The following MAMLD1 variants were observed in gnomAD, a reference collection of about 807,000 sequenced individuals.
MAMLD1 encodes mastermind like domain containing 1.
MAMLD1 carries 14 observed loss-of-function variants against 45.0 expected under a neutral mutation model. The observed-to-expected ratio is 0.31, with a 90% CI of 0.21 to 0.49. MAMLD1 has a LOEUF of 0.49. Ranked by LOEUF, MAMLD1 falls within the 20% of genes least tolerant of loss-of-function variation. The probability of loss-of-function intolerance (pLI) is 0.99; values close to 1 mark genes in which losing one functional copy is unlikely to be tolerated. For synonymous variants in MAMLD1, 254 were observed against 247.8 expected (o/e 1.02, Z -0.24); for missense variants, 543 against 603.6 (o/e 0.90, Z 1.05).
intron 1 of MAMLD1, among the ~76,000 whole-genome samples, chrX:150,399,274 G>A (rs1258338088): frequency 9.0e-6 from 1 of 111,504 alleles, no homozygotes; most frequent in African/African-American, 3.3e-5. Flanking sequence ...TTAACAGATG[G>A]CTATTACTCC....
chrX:150,507,471 C>A (rs1227065696), intron 6 of MAMLD1, among the ~76,000 whole-genome samples: 2 of 111,941 alleles, frequency 1.8e-5, no homozygotes, highest in Non-Finnish European at 3.8e-5. Context: ...TGGCCAGGGA[C>A]AGCAGGACCA....
chrX:150,482,025 A>AAAG (rs2036828935), intron 5 of MAMLD1, among the ~76,000 whole-genome samples: 2 of 107,708 alleles, frequency 1.9e-5, no homozygotes, highest in African/African-American at 6.9e-5. Context: ...AGAAAGAAAG[A>AAAG]AAGAAAGAAT....
intron 1 of MAMLD1, among the ~76,000 whole-genome samples, chrX:150,439,763 C>T (rs782334069): frequency 3.6e-5 from 4 of 111,100 alleles, no homozygotes; most frequent in Admixed American, 9.5e-5. Flanking sequence ...GGCAAAACAC[C>T]GTCTCTACCA....
chrX:150,455,527 C>G (rs1214140903), intron 2 of MAMLD1, among the ~76,000 whole-genome samples: 1 of 111,446 alleles, frequency 9.0e-6, no homozygotes, highest in Non-Finnish European at 1.9e-5. Flanking sequence ...ATGCCACACA[C>G]TATGCTAATT....
rs142633979 is a variant in MAMLD1, at chrX:150,476,538, G to A, written c.2040+2736G>A. On this transcript the variant is annotated intron_variant, in intron 5 of 7. Coordinates refer to ENST00000370401, the MANE Select transcript of MAMLD1 (RefSeq NM_005491.5). The stretch of plus-strand genomic sequence containing the variant: ...TGCACGTGCATTTGAGCCCCACTCA[G>A]ATCTGCAGAGCTGGGAGTGTGGTTT... Among the ~76,000 whole-genome samples the A allele has an allele frequency of 2.6e-4, 29 of 111,835 alleles. 1 individual carries two copies. The East Asian group carries it at 7.9e-3, about 31-fold the overall frequency.
intron 5 of MAMLD1, among the ~76,000 whole-genome samples, chrX:150,488,331 A>G (rs2037062053): frequency 8.9e-6 from 1 of 112,659 alleles, no homozygotes; most frequent in African/African-American, 3.2e-5. Flanking sequence ...GGTCAACACC[A>G]CATTTTTCCC....
At chrX:150,469,593 C>G in intron 3 of MAMLD1, 152 bp from the exon 4 acceptor site, 2 of 466,228 alleles carry the variant, frequency 4.3e-6, no homozygotes, top group Non-Finnish European at 7.2e-6. Context: ...TGTGCCAAAC[C>G]TTTATAAAAA....
chrX:150,377,550 T>C lies in MAMLD1; in HGVS notation c.-64+14020T>C, dbSNP rs370147686. Among the ~76,000 whole-genome samples, 5 of 111,703 alleles carry C rather than the reference T, an allele frequency of 4.5e-5. No individual in the cohort carries two copies. In the East Asian group the frequency reaches 1.1e-3, roughly 25 times the overall value. On this transcript the variant is annotated intron_variant, in intron 1 of 7. Transcript: ENST00000370401. ...GAATACCCACTGTGCCTGGAGACTCTTGTCCTGCTGTTTCTTAGAAACTCA... is the reference window on the plus strand; with the variant it reads ...GAATACCCACTGTGCCTGGAGACTCCTGTCCTGCTGTTTCTTAGAAACTCA...
At chrX:150,423,075 T>C (rs2034573272) in intron 1 of MAMLD1, among the ~76,000 whole-genome samples, 1 of 111,673 alleles carries the variant, frequency 9.0e-6, no homozygotes, top group Non-Finnish European at 1.9e-5. Context: ...CTCAACCCCA[T>C]GTTCGTTTCA....
At chrX:150,454,073 A>G (rs2035761561) in intron 2 of MAMLD1, among the ~76,000 whole-genome samples, 1 of 111,667 alleles carries the variant, frequency 9.0e-6, no homozygotes. Flanking sequence ...CCTGCCCTTT[A>G]CTGTCATATG....
chrX:150,427,792 G>T (rs2034765023), intron 1 of MAMLD1, among the ~76,000 whole-genome samples: 1 of 111,861 alleles, frequency 8.9e-6, no homozygotes, highest in Non-Finnish European at 1.9e-5. Flanking sequence ...TGAGGGTTGT[G>T]GGACTCAGAC....
At chrX:150,441,013 TATTTAATA>T (rs1411942552) in intron 1 of MAMLD1, among the ~76,000 whole-genome samples, 22 of 104,739 alleles carry the variant, frequency 2.1e-4, no homozygotes, top group African/African-American at 6.1e-4. Flanking sequence ...TAAATATTAA[TATTTAATA>T]ATTTAATAAT....
At chrX:150,409,426 G>A (rs1557402767) in intron 1 of MAMLD1, among the ~76,000 whole-genome samples, 4 of 110,913 alleles carry the variant, frequency 3.6e-5, no homozygotes, top group African/African-American at 1.3e-4. Flanking sequence ...GCGATTGGAG[G>A]CCCGCCCATC....
At chrX:150,445,400 G>T in intron 1 of MAMLD1, 54 bp from the exon 2 acceptor site, 1 of 537,696 alleles carries the variant, frequency 1.9e-6, no homozygotes, top group Non-Finnish European at 3.4e-6. Context: ...GATTCACGGG[G>T]TCAGTGGTCT....
intron 5 of MAMLD1, among the ~76,000 whole-genome samples, chrX:150,491,079 C>T (rs1274798779): frequency 9.0e-6 from 1 of 111,338 alleles, no homozygotes; most frequent in Non-Finnish European, 1.9e-5. Context: ...GAGGGCTGAA[C>T]CGGACCTTGC....
chrX:150,367,425 T>C (rs782123204), intron 1 of MAMLD1, among the ~76,000 whole-genome samples: 191 of 112,098 alleles, frequency 1.7e-3, no homozygotes, highest in Non-Finnish European at 3.1e-3. Flanking sequence ...AATGCACCTG[T>C]TAATGGATGG....
At chrX:150,407,206 C>A (rs986385400) in intron 1 of MAMLD1, among the ~76,000 whole-genome samples, 1 of 111,869 alleles carries the variant, frequency 8.9e-6, no homozygotes, top group African/African-American at 3.2e-5. Context: ...ATTAACAAAA[C>A]AAATTTGCGA....
At chrX:150,390,985 C>T (rs782204578) in intron 1 of MAMLD1, among the ~76,000 whole-genome samples, 6 of 111,837 alleles carry the variant, frequency 5.4e-5, no homozygotes, top group Non-Finnish European at 1.1e-4. Context: ...AAAAATGTAC[C>T]ACTTCCTTCT....
chrX:150,364,261 C>T (rs1557400617), intron 1 of MAMLD1, among the ~76,000 whole-genome samples: 1 of 112,838 alleles, frequency 8.9e-6, no homozygotes, highest in Middle Eastern at 4.6e-3. Context: ...CCCGGAGCGC[C>T]GCCAAATACT....
Sources: gnomAD v4.1 joint callset for allele counts (sites outside exome capture counted in the v4.1 genomes callset) on GRCh38, gnomAD v4.1.1 for gene constraint, MANE v1.5 for transcripts, NCBI Gene and HGNC (gene_info 2026-07-23, HGNC 2026-07-21) for gene names.